TENM2: variants seen among roughly 807,000 people sequenced by gnomAD.
TENM2 encodes the protein teneurin transmembrane protein 2, also known as teneurin-2.
In TENM2, 52 loss-of-function variants were observed where a neutral mutation model predicts 245.2. The ratio of observed to expected loss-of-function variants is 0.21; its 90% confidence interval spans 0.17 to 0.27. TENM2 has a LOEUF of 0.27. Ranked by LOEUF, TENM2 falls within the 10% of genes least tolerant of loss-of-function variation. The pLI is 1.00. For synonymous variants in TENM2, 1,363 were observed against 1,438.9 expected, an observed-to-expected ratio of 0.95 and a Z score of 1.19; for missense variants, 3,046 against 3,666.8, an observed-to-expected ratio of 0.83 and a Z score of 4.37.
At chr5:168,253,864 T>G (rs1378603058) in intron 27 of TENM2, among the ~76,000 whole-genome samples, 1 of 152,252 alleles carries the variant, frequency 6.6e-6, no homozygotes, top group Non-Finnish European at 1.5e-5. Context: ...ATTCCAACCC[T>G]GCTCTGAATG....
In TENM2 at chr5:167,880,943, A is replaced by G. The variant is rs539927992; in HGVS notation, c.712+4748A>G. Among the ~76,000 whole-genome samples the G allele has an allele frequency of 1.6e-4, 24 of 152,278 alleles. No homozygotes were observed. In the South Asian group the frequency reaches 4.8e-3, roughly 30 times the overall value. ...TCACCATTCAGGACCTGAAAAGCAG[A>G]TGTTCTGTGTTACAGATTCGTCCTG... On this transcript the variant is annotated intron_variant, in intron 3 of 28. Coordinates refer to ENST00000518659, the Ensembl canonical transcript of TENM2.
At chr5:167,900,142 G>GA (rs1775582770) in intron 3 of TENM2, among the ~76,000 whole-genome samples, 1 of 129,258 alleles carries the variant, frequency 7.7e-6, no homozygotes, top group Admixed American at 7.7e-5. Flanking sequence ...AAGGGGGGGG[G>GA]GGTTTTGGAA....
intron 1 of TENM2, chr5:167,307,990 T>C (rs572571648): frequency 6.6e-6 from 1 of 152,604 alleles, no homozygotes; most frequent in African/African-American, 2.4e-5. Context: ...TTCAGCTCCT[T>C]ACTGCGTCCT....
the TENM2 span, among the ~76,000 whole-genome samples, chr5:167,016,202 C>A: frequency 2.0e-5 from 3 of 148,806 alleles, no homozygotes; most frequent in African/African-American, 7.5e-5. Context: ...TGCAGTGAGC[C>A]GAGATGGGGC....
chr5:167,342,149 T>C (rs1758137703), intron 1 of TENM2, among the ~76,000 whole-genome samples: 1 of 152,174 alleles, frequency 6.6e-6, no homozygotes, highest in South Asian at 2.1e-4. Context: ...TTTATACAGA[T>C]TTCCTCAATT....
chr5:168,216,400 A>G (rs1027251644), intron 21 of TENM2, among the ~76,000 whole-genome samples: 3 of 152,228 alleles, frequency 2.0e-5, no homozygotes, highest in Admixed American at 2.0e-4. Context: ...ACTTACTACT[A>G]ATAATGTTTA....
At chr5:167,120,064 AAG>A in the TENM2 span, among the ~76,000 whole-genome samples, 1 of 152,118 alleles carries the variant, frequency 6.6e-6, no homozygotes, top group African/African-American at 2.4e-5. Flanking sequence ...AACAGAGAGA[AAG>A]AGAAGTGAGC....
chr5:167,102,377 CTG>C, the TENM2 span, among the ~76,000 whole-genome samples: 4 of 152,140 alleles, frequency 2.6e-5, no homozygotes, highest in African/African-American at 9.7e-5. Context: ...TTATTGCTTG[CTG>C]TGTGGCAGGT....
intron 2 of TENM2, among the ~76,000 whole-genome samples, chr5:167,519,928 A>G (rs1256837230): frequency 6.6e-6 from 1 of 152,218 alleles, no homozygotes; most frequent in Admixed American, 6.5e-5. Context: ...AAGACAAATC[A>G]TTTCAGATGT....
chr5:167,787,881 C>T (rs113604703), intron 2 of TENM2, among the ~76,000 whole-genome samples: 2,992 of 152,298 alleles, frequency 0.02, 105 homozygotes, highest in African/African-American at 0.068. Flanking sequence ...TGCCCACCAC[C>T]GCTGTGGTAG....
At chr5:167,556,939 C>A (rs185201487) in intron 2 of TENM2, among the ~76,000 whole-genome samples, 2 of 152,322 alleles carry the variant, frequency 1.3e-5, no homozygotes, top group East Asian at 1.9e-4. Context: ...TTTCTGAATT[C>A]TCTGAACTCC....
intron 2 of TENM2, among the ~76,000 whole-genome samples, chr5:167,838,099 C>T (rs1769168335): frequency 6.6e-6 from 1 of 152,234 alleles, no homozygotes; most frequent in Non-Finnish European, 1.5e-5. Context: ...TCACTCCACA[C>T]AAGTTGGCAA....
chr5:167,557,950 TTC>T (rs1773355399), intron 2 of TENM2, among the ~76,000 whole-genome samples: 3 of 152,248 alleles, frequency 2.0e-5, no homozygotes, highest in Admixed American at 1.3e-4. Flanking sequence ...AAAATATAAC[TTC>T]TCATATTGCA....
intron 2 of TENM2, among the ~76,000 whole-genome samples, chr5:167,440,721 C>G (rs1333653941): frequency 2.6e-5 from 4 of 151,930 alleles, no homozygotes; most frequent in African/African-American, 9.7e-5. Flanking sequence ...TCCCCCCATC[C>G]TCTCTTCTCT....
intron 2 of TENM2, among the ~76,000 whole-genome samples, chr5:167,746,806 A>G (rs2150622248): frequency 6.6e-6 from 1 of 152,052 alleles, no homozygotes; most frequent in Admixed American, 6.6e-5. Context: ...GATAATCTGC[A>G]GATATGTGTG....
At chr5:167,495,259 A>C (rs746776725) in intron 2 of TENM2, among the ~76,000 whole-genome samples, 55 of 143,600 alleles carry the variant, frequency 3.8e-4, no homozygotes, top group Admixed American at 1.8e-3. Flanking sequence ...TTTTTTTTGC[A>C]TATTGAGACT....
At chr5:167,115,257 C>T in the TENM2 span, among the ~76,000 whole-genome samples, 1 of 152,104 alleles carries the variant, frequency 6.6e-6, no homozygotes, top group Non-Finnish European at 1.5e-5. Flanking sequence ...GTCTCCATGT[C>T]TACAAAATGA....
intron 1 of TENM2, among the ~76,000 whole-genome samples, chr5:167,369,573 C>G (rs928385447): frequency 3.3e-5 from 5 of 151,942 alleles, no homozygotes; most frequent in Non-Finnish European, 7.4e-5. Flanking sequence ...ATTACTTAGA[C>G]GTTGATACGG....
At chr5:167,081,667 CTA>C in the TENM2 span, among the ~76,000 whole-genome samples, 20 of 152,250 alleles carry the variant, frequency 1.3e-4, no homozygotes, top group African/African-American at 3.9e-4. Context: ...TATTGAGGGC[CTA>C]TTACATGCCA....
Sources: allele counts gnomAD v4.1 joint callset (sites outside exome capture counted in the v4.1 genomes callset), GRCh38; gene constraint gnomAD v4.1.1; transcripts MANE v1.5; gene names NCBI Gene and HGNC (gene_info 2026-07-23, HGNC 2026-07-21).